The following ANKRD36 variants were observed in gnomAD, a reference collection of about 807,000 sequenced individuals.
ANKRD36 encodes the protein ankyrin repeat domain-containing protein 36A.
ANKRD36 carries 179 observed loss-of-function variants against 278.1 expected under a neutral mutation model. The observed-to-expected ratio is 0.64, with a 90% CI of 0.57 to 0.73. The LOEUF (loss-of-function observed/expected upper bound fraction) is 0.73. Ranked by LOEUF, ANKRD36 falls within the 30% of genes least tolerant of loss-of-function variation. ANKRD36 has a pLI of 0.00. For missense variants in ANKRD36, 1,159 were observed against 1,956.7 expected (o/e 0.59, Z 7.69); for synonymous variants, 320 against 641.1 (o/e 0.50, Z 7.57).
chr2:97,185,401 C>T (rs990354418), intron 29 of ANKRD36, 37 bp from the exon 30 acceptor site: 5 of 1,607,532 alleles, frequency 3.1e-6, no homozygotes, highest in Non-Finnish European at 4.3e-6. Flanking sequence ...ATGAAACATA[C>T]TTTCTTTATT....
At chr2:97,182,873 G>C (rs1195470412) in intron 26 of ANKRD36, among the ~76,000 whole-genome samples, 1 of 151,624 alleles carries the variant, frequency 6.6e-6, no homozygotes, top group Non-Finnish European at 1.5e-5. Flanking sequence ...TACACCACAT[G>C]GGTTTGAGAA....
chr2:97,172,069 GT>G (rs1160321719), intron 22 of ANKRD36, among the ~76,000 whole-genome samples: 1 of 152,022 alleles, frequency 6.6e-6, no homozygotes, highest in East Asian at 1.9e-4. Context: ...AGCTGTTACG[GT>G]TTTGGGTTTC....
intron 8 of ANKRD36, among the ~76,000 whole-genome samples, chr2:97,144,262 CTG>C (rs2153453356): frequency 6.6e-6 from 1 of 152,344 alleles, no homozygotes; most frequent in East Asian, 1.9e-4. Flanking sequence ...GATATAGACA[CTG>C]TTTTATTGTA....
At chr2:97,115,091 G>C (rs1014118474) in intron 1 of ANKRD36, among the ~76,000 whole-genome samples, 1 of 152,030 alleles carries the variant, frequency 6.6e-6, no homozygotes, top group Non-Finnish European at 1.5e-5. Context: ...AAGCAATTGC[G>C]GTTTTTGCCG....
intron 52 of ANKRD36, among the ~76,000 whole-genome samples, chr2:97,207,036 T>G (rs1035239546): frequency 3.3e-5 from 5 of 151,574 alleles, no homozygotes; most frequent in African/African-American, 1.2e-4. Flanking sequence ...TTGCAGTGAT[T>G]TCTGAATGAA....
rs1357444211 is a variant in ANKRD36, at chr2:97,190,412, A to C, written c.2246-566A>C. The stretch of plus-strand genomic sequence containing the variant: ...AACACATGGGTGTGAGAGATAATGA[A>C]TATTATCTACTAGGTATCAGCAAAC... On this transcript the variant is annotated intron_variant, in intron 34 of 75. Transcript: ENST00000420699. Among the ~76,000 whole-genome samples the C allele has an allele frequency of 7.7e-5, 11 of 143,668 alleles. 2 individuals are homozygous for C. In the East Asian group the frequency reaches 2.2e-3, roughly 29 times the overall value. 94.3% of individuals were successfully genotyped at this position (143,668 alleles called of 152,430 possible).
intron 36 of ANKRD36, 114 bp downstream of exon 36, chr2:97,191,295 C>T: frequency 8.2e-7 from 1 of 1,222,366 alleles, no homozygotes; most frequent in South Asian, 1.6e-5. Context: ...ATTCAGCTGT[C>T]CTGAGATTCT....
Position 97,122,902 on chromosome 2 carries a change from CTG to C in ANKRD36, c.504_505del (p.Leu169IlefsTer25), listed in dbSNP as rs2037299194. ...TATTTTACAGTGTGAATATCAGCCA[CTG>C]TTATTTGCTGTGAGTCGAAGAAAAG... The part of the protein sequence containing the change: ...EECSKCEYQP[L>X]LFAVSRRKVK... On this transcript the variant is annotated frameshift_variant, in exon 4 of 76. Transcript: ENST00000420699. LOFTEE classifies it high-confidence loss of function. The C allele has an allele frequency of 6.5e-7, 1 of 1,541,484 alleles. No individual in the cohort carries two copies. Among genetic ancestry groups the C allele is most frequent in the South Asian group, 1.2e-5 (1 of 82,736 alleles).
intron 29 of ANKRD36, 42 bp downstream of exon 29, chr2:97,185,386 A>G (rs1330308898): frequency 6.2e-7 from 1 of 1,608,660 alleles, no homozygotes. Context: ...GTAACTGTAT[A>G]GTCCATGAAA....
intron 6 of ANKRD36, among the ~76,000 whole-genome samples, chr2:97,140,324 C>G (rs1397762257): frequency 3.3e-5 from 5 of 151,652 alleles, no homozygotes; most frequent in African/African-American, 9.7e-5. Flanking sequence ...AGGTTATGTT[C>G]AATAACATTT....
intron 6 of ANKRD36, among the ~76,000 whole-genome samples, chr2:97,141,005 A>G (rs1370181955): frequency 6.6e-6 from 1 of 151,718 alleles, no homozygotes; most frequent in Non-Finnish European, 1.5e-5. Context: ...CATCAATGAT[A>G]TGTTCTTCGT....
rs935354440 is a variant in ANKRD36, at chr2:97,250,494, AG to A, written c.*6+323del. On this transcript the variant is annotated intron_variant, in intron 75 of 75. Coordinates refer to ENST00000420699, the MANE Select transcript of ANKRD36 (RefSeq NM_001354587.1). ...CACTGAAACTGTTCTCACAAAACAA[AG>A]GCATTATCAACTTCTCAAGGTTAAG... Among the ~76,000 whole-genome samples, 129 of 118,548 alleles carry A rather than the reference AG, an allele frequency of 1.1e-3. 14 individuals carry two copies. The highest frequency in any genetic ancestry group is 6.1e-3 in the African/African-American group (123 of 20,192). 77.8% of individuals were successfully genotyped at this position (118,548 alleles called of 152,430 possible).
intron 56 of ANKRD36, among the ~76,000 whole-genome samples, chr2:97,210,582 G>C (rs1383264854): frequency 3.3e-5 from 5 of 151,916 alleles, no homozygotes; most frequent in Admixed American, 2.0e-4. Flanking sequence ...TTATAAAAAT[G>C]AGATAATCTT....
intron 46 of ANKRD36, 103 bp from the exon 47 acceptor site, chr2:97,202,099 A>G (rs2061535974): frequency 1.9e-6 from 3 of 1,576,742 alleles, no homozygotes; most frequent in African/African-American, 1.4e-5. Flanking sequence ...GGCCTATGCT[A>G]ATACAGGCAG....
intron 14 of ANKRD36, among the ~76,000 whole-genome samples, chr2:97,154,146 C>A (rs1188764696): frequency 6.8e-6 from 1 of 146,176 alleles, no homozygotes; most frequent in African/African-American, 2.4e-5. Context: ...TGAAGAGAAT[C>A]AATGGGCCCT....
intron 15 of ANKRD36, among the ~76,000 whole-genome samples, 179 bp from the exon 16 acceptor site, chr2:97,157,928 C>T (rs2047884169): frequency 6.6e-6 from 1 of 151,892 alleles, no homozygotes; most frequent in East Asian, 2.0e-4. Context: ...TCTGTATCAC[C>T]AATCATAATC....
chr2:97,195,995 A>G (rs1402713424), intron 40 of ANKRD36, among the ~76,000 whole-genome samples: 1 of 151,974 alleles, frequency 6.6e-6, no homozygotes, highest in African/African-American at 2.4e-5. Context: ...ACTTAAGCAA[A>G]TTATTACACT....
At chr2:97,191,333 G>A (rs539102947) in intron 36 of ANKRD36, among the ~76,000 whole-genome samples, 152 bp downstream of exon 36, 1 of 151,686 alleles carries the variant, frequency 6.6e-6, no homozygotes, top group Non-Finnish European at 1.5e-5. Flanking sequence ...TTGGGTGATG[G>A]TGATGCTGCT....
At chr2:97,115,279 G>C (rs1264881699) in intron 1 of ANKRD36, among the ~76,000 whole-genome samples, 1 of 152,046 alleles carries the variant, frequency 6.6e-6, no homozygotes, top group East Asian at 1.9e-4. Flanking sequence ...GTTATGGAAT[G>C]TAGATTAAAA....
Sources: gnomAD v4.1 joint callset for allele counts (sites outside exome capture counted in the v4.1 genomes callset) on GRCh38, gnomAD v4.1.1 for gene constraint, MANE v1.5 for transcripts, NCBI Gene and HGNC (gene_info 2026-07-23, HGNC 2026-07-21) for gene names.